CREB5: variants seen among roughly 807,000 people sequenced by gnomAD.
CREB5 encodes the protein cyclic AMP-responsive element-binding protein 5.
Under a neutral mutation model 57.1 loss-of-function variants are expected in CREB5, and 19 were observed. That is an observed-to-expected ratio of 0.33 (90% CI 0.23 to 0.49). The LOEUF (loss-of-function observed/expected upper bound fraction) is 0.49, where lower values mean the gene tolerates loss of function less well. Among genes scored for constraint, CREB5 ranks in the 20% least tolerant of loss-of-function variants. CREB5 has a pLI of 0.99. For synonymous variants in CREB5, 238 were observed against 238.3 expected (o/e 1.00, Z 0.01); for missense variants, 579 against 671.6 (o/e 0.86, Z 1.52).
chr7:28,643,017 C>CACAG (rs1798741415), intron 5 of CREB5, among the ~76,000 whole-genome samples: 1 of 147,914 alleles, frequency 6.8e-6, no homozygotes, highest in South Asian at 2.2e-4. Context: ...CACACACACA[C>CACAG]ACACACACAC....
Position 28,406,663 on chromosome 7 carries a change from G to A in CREB5, c.-24-88243G>A, listed in dbSNP as rs757830639. ...GCAAATGCCCCAGGCCATGGCCACC[G>A]CCAGTGGAGGCACCCTTAGAGATGC... On this transcript the variant is annotated intron_variant, in intron 1 of 9. Transcript: ENST00000396299. 1.5e-4 allele frequency among the ~76,000 whole-genome samples: 23 copies of A among 152,224 alleles called. No individual in the cohort carries two copies. In the East Asian group the frequency reaches 3.1e-3, roughly 20 times the overall value.
At chr7:28,553,856 C>T (rs1233599561) in intron 4 of CREB5, among the ~76,000 whole-genome samples, 1 of 152,192 alleles carries the variant, frequency 6.6e-6, no homozygotes, top group Non-Finnish European at 1.5e-5. Flanking sequence ...AATAAAATGT[C>T]CTCAGGCTTC....
At chr7:28,352,951 T>G (rs543613611) in intron 1 of CREB5, among the ~76,000 whole-genome samples, 73 of 152,362 alleles carry the variant, frequency 4.8e-4, no homozygotes, top group Non-Finnish European at 9.8e-4. Flanking sequence ...CACTTGGCTA[T>G]GGCAAACACA....
chr7:28,702,536 T>A (rs915180756), intron 5 of CREB5, among the ~76,000 whole-genome samples: 2 of 152,246 alleles, frequency 1.3e-5, no homozygotes, highest in Non-Finnish European at 2.9e-5. Context: ...TATGTTATGA[T>A]GTTCTCCTTT....
At chr7:28,516,270 T>C (rs1792950332) in intron 4 of CREB5, among the ~76,000 whole-genome samples, 1 of 152,202 alleles carries the variant, frequency 6.6e-6, no homozygotes, top group South Asian at 2.1e-4. Context: ...CTTTTCTTTG[T>C]GGTTAAAGGA....
At chr7:28,700,520 A>C (rs1174361709) in intron 5 of CREB5, among the ~76,000 whole-genome samples, 1 of 152,220 alleles carries the variant, frequency 6.6e-6, no homozygotes, top group Non-Finnish European at 1.5e-5. Context: ...CAACAACAAC[A>C]AAAAAACTTT....
chr7:28,319,181 A>G (rs1194766537), intron 1 of CREB5, among the ~76,000 whole-genome samples: 1 of 151,994 alleles, frequency 6.6e-6, no homozygotes, highest in East Asian at 1.9e-4. Context: ...AAGGAAGAAA[A>G]TGGCATCTCC....
intron 1 of CREB5, among the ~76,000 whole-genome samples, chr7:28,357,663 G>T (rs933643311): frequency 6.6e-6 from 1 of 152,208 alleles, no homozygotes; most frequent in African/African-American, 2.4e-5. Flanking sequence ...GTGCATGGAT[G>T]TATGTCACTT....
At chr7:28,637,155 AAAAAC>A (rs1798454010) in intron 5 of CREB5, among the ~76,000 whole-genome samples, 1 of 152,142 alleles carries the variant, frequency 6.6e-6, no homozygotes, top group Non-Finnish European at 1.5e-5. Flanking sequence ...CCCTGTCTTA[AAAAAC>A]AAAACAAAAA....
chr7:28,666,489 A>C (rs1393664627), intron 5 of CREB5, among the ~76,000 whole-genome samples: 1 of 152,172 alleles, frequency 6.6e-6, no homozygotes, highest in African/African-American at 2.4e-5. Flanking sequence ...GATCCTTTAC[A>C]TATGCAGGTG....
chr7:28,628,356 C>T (rs1562536027), intron 5 of CREB5, among the ~76,000 whole-genome samples: 2 of 152,146 alleles, frequency 1.3e-5, no homozygotes, highest in South Asian at 4.1e-4. Flanking sequence ...ACCACGCCTG[C>T]TTATTGTCTG....
chr7:28,722,594 A>G (rs1803100223), intron 6 of CREB5, among the ~76,000 whole-genome samples: 1 of 152,226 alleles, frequency 6.6e-6, no homozygotes, highest in Non-Finnish European at 1.5e-5. Context: ...GTTTTACCAC[A>G]ATGAAAATAA....
intron 7 of CREB5, among the ~76,000 whole-genome samples, chr7:28,771,096 G>C (rs541871586): frequency 1.3e-5 from 2 of 152,246 alleles, no homozygotes; most frequent in African/African-American, 4.8e-5. Flanking sequence ...TGAAATAGTG[G>C]TAGAGCCAAA....
At chr7:28,409,650 C>T, upstream of CREB5, 2 of 275,876 alleles carry the variant, frequency 7.2e-6, no homozygotes, top group Non-Finnish European at 7.1e-6. The surrounding 1 kb of genome is among the most constrained non-coding windows in gnomAD (Gnocchi z 4.4). Context: ...AACATTTTGG[C>T]GGACCAGAGG....
chr7:28,601,335 T>C (rs909805786), intron 5 of CREB5, among the ~76,000 whole-genome samples: 23 of 151,956 alleles, frequency 1.5e-4, no homozygotes, highest in African/African-American at 5.3e-4. Context: ...GAGGAATAAG[T>C]TGGAAATGAA....
intron 5 of CREB5, among the ~76,000 whole-genome samples, chr7:28,657,999 C>G (rs1318567380): frequency 6.6e-6 from 1 of 152,152 alleles, no homozygotes; most frequent in Non-Finnish European, 1.5e-5. Flanking sequence ...GCTCACTGAG[C>G]AGGCACATTA....
intron 7 of CREB5, among the ~76,000 whole-genome samples, chr7:28,736,471 A>C (rs2128753951): frequency 6.6e-6 from 1 of 152,292 alleles, no homozygotes; most frequent in South Asian, 2.1e-4. Context: ...GCCGGACCCC[A>C]CACAAAGCAC....
At chr7:28,559,528 TG>T (rs1794999374) in intron 4 of CREB5, among the ~76,000 whole-genome samples, 1 of 152,096 alleles carries the variant, frequency 6.6e-6, no homozygotes, top group Non-Finnish European at 1.5e-5. Context: ...TTGCCCAGGC[TG>T]GTTGCAAACT....
chr7:28,367,793 G>A (rs1786618752), intron 1 of CREB5, among the ~76,000 whole-genome samples: 1 of 151,926 alleles, frequency 6.6e-6, no homozygotes, highest in Non-Finnish European at 1.5e-5. Context: ...GGGTGACAGA[G>A]CAAGACTCCA....
Sources: allele counts gnomAD v4.1 joint callset (sites outside exome capture counted in the v4.1 genomes callset), GRCh38; gene constraint gnomAD v4.1.1; non-coding constraint Gnocchi (gnomAD v3.1); transcripts MANE v1.5; gene names NCBI Gene and HGNC (gene_info 2026-07-23, HGNC 2026-07-21).